The following ELMOD2 variants were observed in gnomAD, a reference collection of about 807,000 sequenced individuals.
The protein encoded by ELMOD2 is ELMO domain containing 2.
Under a neutral mutation model 41.0 loss-of-function variants are expected in ELMOD2, and 28 were observed. The ratio of observed to expected loss-of-function variants is 0.68; its 90% CI spans 0.51 to 0.94. ELMOD2 has a LOEUF of 0.94. Among genes scored for constraint, ELMOD2 ranks in the 40% least tolerant of loss-of-function variants. The pLI is 0.00. For synonymous variants in ELMOD2, 106 were observed against 107.2 expected (o/e 0.99, Z 0.07); for missense variants, 333 against 343.1 (o/e 0.97, Z 0.23).
In ELMOD2 at chr4:140,551,993, T is replaced by C. The variant is rs1735482878; in HGVS notation, c.*1618T>C. The C allele has an allele frequency of 6.6e-6, 1 of 152,100 alleles. No individual in the cohort carries two copies. Among genetic ancestry groups the C allele is most frequent in the African/African-American group, 2.4e-5 (1 of 41,460 alleles). The allele number at this position is 152,100 out of a possible 1,614,324, so 9.4% of individuals were successfully genotyped here. Reference sequence around the variant, plus strand: ...GTATTACAGGAATTTAAAAATTGGTTTCTTGTAGGGGACATCTCAACTTTG... The same window carrying C: ...GTATTACAGGAATTTAAAAATTGGTCTCTTGTAGGGGACATCTCAACTTTG... On this transcript the variant is annotated 3_prime_UTR_variant, in exon 9 of 9. Transcript: ENST00000323570.
intron 8 of ELMOD2, among the ~76,000 whole-genome samples, chr4:140,549,352 C>CATAT (rs10647929): frequency 4.3e-4 from 64 of 150,524 alleles, no homozygotes; most frequent in Middle Eastern, 6.8e-3. Flanking sequence ...TTTAAGTTTA[C>CATAT]ATATATGTGT....
In ELMOD2 at chr4:140,542,658, TAAAG is replaced by T; in HGVS notation, c.602+19_602+22del. ...CAAAATTAGGGTAAGCTGGGTATAT[TAAAG>T]AAGCCGTAATCTCTTGCATTTATAA... On this transcript the variant is annotated intron_variant, in intron 7 of 8. Coordinates refer to ENST00000323570, the MANE Select transcript of ELMOD2 (RefSeq NM_153702.4). 1.4e-5 allele frequency: 22 copies of T among 1,575,410 alleles called. No individual in the cohort carries two copies. The highest frequency in any genetic ancestry group is 1.7e-4 in the Middle Eastern group (1 of 5,968).
intron 4 of ELMOD2, among the ~76,000 whole-genome samples, chr4:140,536,052 A>G (rs988429768): frequency 6.6e-6 from 1 of 152,156 alleles, no homozygotes; most frequent in Non-Finnish European, 1.5e-5. Context: ...TAATGCCAGT[A>G]TATCATCTGC....
intron 5 of ELMOD2, among the ~76,000 whole-genome samples, chr4:140,538,999 C>T (rs1377930730): frequency 1.3e-5 from 2 of 152,140 alleles, no homozygotes; most frequent in East Asian, 1.9e-4. Context: ...TGGAGAGAGG[C>T]TAATGTAAGC....
At chr4:140,533,228 A>T (rs981032346) in intron 3 of ELMOD2, among the ~76,000 whole-genome samples, 1 of 152,184 alleles carries the variant, frequency 6.6e-6, no homozygotes, top group Non-Finnish European at 1.5e-5. Flanking sequence ...GCTCATTCTA[A>T]AGTTTGTAAA....
At chr4:140,540,114 A>G in intron 5 of ELMOD2, 54 bp from the exon 6 acceptor site, 1 of 1,575,424 alleles carries the variant, frequency 6.3e-7, no homozygotes, top group Non-Finnish European at 8.6e-7. Context: ...TTAAATTACT[A>G]GTTACAAGCT....
At chr4:140,548,123 G>A (rs148334469) in intron 8 of ELMOD2, among the ~76,000 whole-genome samples, 2 of 152,112 alleles carry the variant, frequency 1.3e-5, no homozygotes, top group Non-Finnish European at 2.9e-5. Context: ...TGAGCAGTTT[G>A]TTCCAGGCCC....
rs1389845186 is a variant in ELMOD2 at position 140,551,250 on chromosome 4, AAGAC to A, written c.*878_*881del. 1 of 152,102 alleles carries A rather than the reference AAGAC, an allele frequency of 6.6e-6. No homozygotes were observed. The highest frequency in any genetic ancestry group is 2.4e-5 in the African/African-American group (1 of 41,456). 9.4% of individuals were successfully genotyped at this position (152,102 alleles called of 1,614,324 possible). ...TATATAAAAGACAAAAAGATTATAA[AAGAC>A]AGTTTCTGTTTAAGTAAAACTGTCT... is the stretch of plus-strand genomic sequence containing the variant. On this transcript the variant is annotated 3_prime_UTR_variant, in exon 9 of 9. Transcript: ENST00000323570.
intron 8 of ELMOD2, among the ~76,000 whole-genome samples, chr4:140,548,964 C>T (rs1205308050): frequency 2.0e-5 from 3 of 151,968 alleles, no homozygotes; most frequent in African/African-American, 7.3e-5. Flanking sequence ...ATGTATACAC[C>T]TGTGAAACCA....
intron 1 of ELMOD2, 134 bp downstream of exon 1, chr4:140,524,414 T>G (rs1024320977): frequency 9.2e-5 from 18 of 194,652 alleles, no homozygotes; most frequent in Non-Finnish European, 1.4e-4. Context: ...GTGCGAGCCC[T>G]GCCCTCCCAT....
At chr4:140,539,213 C>T (rs1735029805) in intron 5 of ELMOD2, among the ~76,000 whole-genome samples, 1 of 152,158 alleles carries the variant, frequency 6.6e-6, no homozygotes, top group African/African-American at 2.4e-5. Context: ...GAAAGTATTT[C>T]TGTTTTGCAA....
At chr4:140,542,751 T>G in intron 7 of ELMOD2, 109 bp downstream of exon 7, 1 of 859,746 alleles carries the variant, frequency 1.2e-6, no homozygotes, top group Non-Finnish European at 1.7e-6. Context: ...AGTATTTTAA[T>G]AAGAACTTTT....
intron 1 of ELMOD2, 200 bp from the exon 2 acceptor site, chr4:140,525,216 GTGAT>G (rs1343833015): frequency 2.3e-6 from 1 of 438,786 alleles, no homozygotes; most frequent in Non-Finnish European, 3.9e-6. Context: ...TTTTGAAAAA[GTGAT>G]TAATTGGCCA....
chr4:140,538,674 A>G (rs1256136447), intron 5 of ELMOD2, among the ~76,000 whole-genome samples: 2 of 152,096 alleles, frequency 1.3e-5, no homozygotes, highest in Non-Finnish European at 2.9e-5. Flanking sequence ...AGTCCAGGGA[A>G]TTTTACCTTG....
chr4:140,545,538 G>C (rs1735247784), intron 8 of ELMOD2, among the ~76,000 whole-genome samples: 1 of 152,114 alleles, frequency 6.6e-6, no homozygotes, highest in Admixed American at 6.6e-5. Context: ...ATCATATGAG[G>C]ATGCTTAAAC....
intron 7 of ELMOD2, 84 bp from the exon 8 acceptor site, chr4:140,543,369 C>T (rs1404483512): frequency 6.9e-7 from 1 of 1,442,604 alleles, no homozygotes. Context: ...CCTGAAGTCA[C>T]TTTCTACTAA....
intron 8 of ELMOD2, among the ~76,000 whole-genome samples, chr4:140,548,178 G>A (rs1010194367): frequency 6.6e-6 from 1 of 152,046 alleles, no homozygotes; most frequent in Non-Finnish European, 1.5e-5. Context: ...TAATGAAAAA[G>A]CAATTTAAAG....
rs1426472973 is a variant in ELMOD2 at position 140,551,870 on chromosome 4, C to G, written c.*1495C>G. 2 of 151,960 alleles carry G rather than the reference C, an allele frequency of 1.3e-5. No individual in the cohort carries two copies. The highest frequency in any genetic ancestry group is 2.9e-5 in the Non-Finnish European group (2 of 67,900). 9.4% of individuals were successfully genotyped at this position (151,960 alleles called of 1,614,324 possible). On this transcript the variant is annotated 3_prime_UTR_variant, in exon 9 of 9. Transcript: ENST00000323570. ...AAGATGCAGTGTTGTATAGCACATA[C>G]ATTTAAAGTGCTTGCGTTAAAATTA...
chr4:140,524,504 C>T (rs1212990962), intron 1 of ELMOD2: 16 of 741,044 alleles, frequency 2.2e-5, no homozygotes, highest in Non-Finnish European at 2.5e-5. Context: ...GCGTGCATCC[C>T]CTCTGCTCGG....
Sources: allele counts gnomAD v4.1 joint callset (sites outside exome capture counted in the v4.1 genomes callset), GRCh38; gene constraint gnomAD v4.1.1; transcripts MANE v1.5; gene names NCBI Gene and HGNC (gene_info 2026-07-23, HGNC 2026-07-21).